The following PCCA variants were observed in gnomAD, a reference collection of about 807,000 sequenced individuals.
PCCA encodes propionyl-CoA carboxylase subunit alpha, also known as propionyl-CoA carboxylase alpha chain, mitochondrial.
A neutral mutation model predicts 101.3 loss-of-function variants in PCCA; 74 were observed. The ratio of observed to expected loss-of-function variants is 0.73; its 90% CI spans 0.61 to 0.89. The LOEUF is 0.89. Ranked by LOEUF, PCCA falls within the 40% of genes least tolerant of loss-of-function variation. PCCA has a pLI of 0.00. For missense variants in PCCA, 891 were observed against 907.0 expected, an observed-to-expected ratio of 0.98 and a Z score of 0.23; for synonymous variants, 294 against 313.6, an observed-to-expected ratio of 0.94 and a Z score of 0.66.
At position 100,427,177 on chromosome 13, in the gene PCCA, A is replaced by G. The variant is rs531292138; in HGVS notation, c.1845+1446A>G. Among the ~76,000 whole-genome samples, 3 of 152,344 alleles carry G rather than the reference A, an allele frequency of 2.0e-5. No individual in the cohort carries two copies. The South Asian group carries it at 6.2e-4, about 32-fold the overall frequency. The stretch of plus-strand genomic sequence containing the variant: ...GGTTGCAGTGAGCCAGGATCACGCC[A>G]TTGCACTGCAGCCTGGGCAACAGAA... On this transcript the variant is annotated intron_variant, in intron 20 of 23. Coordinates refer to ENST00000376285, the MANE Select transcript of PCCA (RefSeq NM_000282.4).
At chr13:100,344,317 T>C (rs957048999) in intron 18 of PCCA, among the ~76,000 whole-genome samples, 3 of 152,156 alleles carry the variant, frequency 2.0e-5, no homozygotes, top group African/African-American at 7.2e-5. Flanking sequence ...ATAACAAAAG[T>C]GCAAGAGCAG....
intron 22 of PCCA, among the ~76,000 whole-genome samples, chr13:100,524,893 ATAGAT>A (rs1042959537): frequency 6.6e-6 from 1 of 152,082 alleles, no homozygotes; most frequent in South Asian, 2.1e-4. Flanking sequence ...GATAGATTAG[ATAGAT>A]TAGATTAGAT....
At chr13:100,402,190 T>C (rs2077406951) in intron 19 of PCCA, among the ~76,000 whole-genome samples, 1 of 152,140 alleles carries the variant, frequency 6.6e-6, no homozygotes, top group African/African-American at 2.4e-5. Context: ...ACTGAAAATA[T>C]TTTGACTTAA....
At chr13:100,297,278 T>G (rs1441464167) in intron 12 of PCCA, among the ~76,000 whole-genome samples, 3 of 152,208 alleles carry the variant, frequency 2.0e-5, no homozygotes, top group African/African-American at 7.2e-5. Context: ...ACTTTGAGAC[T>G]CTATAAATAG....
At chr13:100,286,443 C>T (rs537641251) in intron 12 of PCCA, among the ~76,000 whole-genome samples, 1 of 152,144 alleles carries the variant, frequency 6.6e-6, no homozygotes, top group African/African-American at 2.4e-5. Flanking sequence ...AGTGCTTTGG[C>T]GGGAGTCAGG....
intron 16 of PCCA, among the ~76,000 whole-genome samples, chr13:100,321,595 G>C (rs1228844421): frequency 1.2e-4 from 3 of 25,382 alleles, no homozygotes; most frequent in East Asian, 1.6e-3. Flanking sequence ...GAAGATCTGT[G>C]TGTGTGTGTG....
At chr13:100,265,074 A>G (rs1193452095) in intron 10 of PCCA, among the ~76,000 whole-genome samples, 1 of 152,098 alleles carries the variant, frequency 6.6e-6, no homozygotes, top group Non-Finnish European at 1.5e-5. Flanking sequence ...GTTCTGTATC[A>G]ATTTTGTTTA....
At chr13:100,469,412 G>T (rs1219542264) in intron 21 of PCCA, among the ~76,000 whole-genome samples, 1 of 151,972 alleles carries the variant, frequency 6.6e-6, no homozygotes, top group Admixed American at 6.6e-5. Context: ...GGTCTCAGAC[G>T]ACTAGAAGTG....
intron 10 of PCCA, among the ~76,000 whole-genome samples, chr13:100,263,125 T>A (rs1446863072): frequency 6.6e-6 from 1 of 152,198 alleles, no homozygotes; most frequent in Non-Finnish European, 1.5e-5. Context: ...GCTACTTCAG[T>A]TTACCAAATG....
chr13:100,224,105 C>T (rs976991515), intron 7 of PCCA, among the ~76,000 whole-genome samples: 14 of 152,188 alleles, frequency 9.2e-5, no homozygotes, highest in Non-Finnish European at 1.5e-4. Context: ...CAGGGGGCGG[C>T]GCACATCAGG....
chr13:100,440,689 GTT>G (rs144910915), intron 20 of PCCA, among the ~76,000 whole-genome samples: 35 of 151,206 alleles, frequency 2.3e-4, no homozygotes, highest in African/African-American at 8.5e-4. Flanking sequence ...ACCCCCATCT[GTT>G]TGAAGTCATT....
chr13:100,518,021 T>TTCC (rs59226079), intron 22 of PCCA, among the ~76,000 whole-genome samples: 5,996 of 152,202 alleles, frequency 0.039, 389 homozygotes, highest in African/African-American at 0.14. Context: ...GTGTTGTGTT[T>TTCC]TCCTCCGCAC....
chr13:100,095,215 A>G (rs1475471007), intron 1 of PCCA, among the ~76,000 whole-genome samples: 2 of 150,752 alleles, frequency 1.3e-5, no homozygotes, highest in African/African-American at 2.4e-5. Context: ...GACACTTTTC[A>G]TTGGATTTAG....
chr13:100,188,334 A>AAACAAAACAAAACAAAACAAAAAC (rs1555372004), intron 6 of PCCA, among the ~76,000 whole-genome samples: 1 of 124,040 alleles, frequency 8.1e-6, no homozygotes, highest in Admixed American at 7.3e-5. Context: ...CAAAAACACA[A>AAACAAAACAAAACAAAACAAAAAC]AGAAAGAAAG....
intron 21 of PCCA, among the ~76,000 whole-genome samples, chr13:100,453,370 A>C (rs1357257040): frequency 6.6e-6 from 1 of 152,014 alleles, no homozygotes; most frequent in Non-Finnish European, 1.5e-5. Context: ...GCATGGTGGC[A>C]GGAGCCTGCG....
At chr13:100,090,302 G>C (rs958989377) in intron 1 of PCCA, among the ~76,000 whole-genome samples, 1 of 152,182 alleles carries the variant, frequency 6.6e-6, no homozygotes, top group Non-Finnish European at 1.5e-5. Context: ...GTCCAATTCA[G>C]CGTGCGGACT....
chr13:100,436,613 A>G (rs773393937), intron 20 of PCCA, among the ~76,000 whole-genome samples: 7 of 152,204 alleles, frequency 4.6e-5, no homozygotes, highest in African/African-American at 1.4e-4. Flanking sequence ...TCCAGACCCT[A>G]TTCTCCTGCC....
chr13:100,382,131 G>T (rs1239205808), intron 19 of PCCA, among the ~76,000 whole-genome samples: 1 of 152,206 alleles, frequency 6.6e-6, no homozygotes, highest in Non-Finnish European at 1.5e-5. Flanking sequence ...CTCTTGTCTG[G>T]TGTCCAGGAA....
At chr13:100,163,428 G>A (rs1566613929) in intron 6 of PCCA, among the ~76,000 whole-genome samples, 1 of 152,076 alleles carries the variant, frequency 6.6e-6, no homozygotes, top group Non-Finnish European at 1.5e-5. Flanking sequence ...TGCATGATAT[G>A]TATTTCTCCA....
Sources: gnomAD v4.1 joint callset for allele counts (sites outside exome capture counted in the v4.1 genomes callset) on GRCh38, gnomAD v4.1.1 for gene constraint, MANE v1.5 for transcripts, NCBI Gene and HGNC (gene_info 2026-07-23, HGNC 2026-07-21) for gene names.